The following SH3PXD2A variants were observed in gnomAD, a reference collection of about 807,000 sequenced individuals.
SH3PXD2A encodes the protein SH3 and PX domain-containing protein 2A.
Under a neutral mutation model 115.2 loss-of-function variants are expected in SH3PXD2A, and 32 were observed. The observed-to-expected ratio is 0.28, with a 90% CI of 0.21 to 0.37. SH3PXD2A has a LOEUF of 0.37. Among genes scored for constraint, SH3PXD2A ranks in the 10% least tolerant of loss-of-function variants. The probability of loss-of-function intolerance (pLI) is 1.00; values close to 1 mark genes in which losing one functional copy is unlikely to be tolerated. For missense variants in SH3PXD2A, 1,328 were observed against 1,498.7 expected (o/e 0.89, Z 1.88); for synonymous variants, 610 against 629.1 (o/e 0.97, Z 0.45).
At chr10:103,643,907 C>T (rs1175859009) in intron 8 of SH3PXD2A, among the ~76,000 whole-genome samples, 2 of 150,494 alleles carry the variant, frequency 1.3e-5, no homozygotes, top group African/African-American at 4.9e-5. Context: ...GTCAGGAGAT[C>T]GAGACTATCC....
At chr10:103,807,994 A>G (rs1049466821) in intron 1 of SH3PXD2A, among the ~76,000 whole-genome samples, 2 of 152,130 alleles carry the variant, frequency 1.3e-5, no homozygotes, top group African/African-American at 4.8e-5. Flanking sequence ...AATAGGCTCT[A>G]ACCTTCTGTT....
chr10:103,725,576 C>T (rs2038231001), intron 4 of SH3PXD2A, among the ~76,000 whole-genome samples: 2 of 152,088 alleles, frequency 1.3e-5, no homozygotes, highest in Admixed American at 6.5e-5. Context: ...CCGGTAATCC[C>T]AGCACTTTGG....
intron 13 of SH3PXD2A, among the ~76,000 whole-genome samples, chr10:103,607,147 G>T (rs566952842): frequency 2.8e-5 from 4 of 141,490 alleles, no homozygotes; most frequent in African/African-American, 1.1e-4. Flanking sequence ...CTGCCCTGCC[G>T]CCCCGTCTGG....
At chr10:103,721,630 G>A (rs1474308287) in intron 5 of SH3PXD2A, among the ~76,000 whole-genome samples, 3 of 152,160 alleles carry the variant, frequency 2.0e-5, no homozygotes, top group East Asian at 1.9e-4. Context: ...ACACGATCAC[G>A]GGGGATCCCA....
chr10:103,682,942 C>T (rs1424940605), intron 6 of SH3PXD2A, among the ~76,000 whole-genome samples: 3 of 152,044 alleles, frequency 2.0e-5, no homozygotes, highest in African/African-American at 7.2e-5. Context: ...AAGAACGCCT[C>T]GGAAATTGCT....
At chr10:103,694,821 A>G (rs2037805596) in intron 5 of SH3PXD2A, among the ~76,000 whole-genome samples, 1 of 152,148 alleles carries the variant, frequency 6.6e-6, no homozygotes, top group Non-Finnish European at 1.5e-5. Flanking sequence ...GAAAGGGACT[A>G]CAGAAAGGTG....
chr10:103,761,236 G>A (rs2038696659), intron 3 of SH3PXD2A, among the ~76,000 whole-genome samples: 1 of 152,102 alleles, frequency 6.6e-6, no homozygotes, highest in Admixed American at 6.6e-5. Flanking sequence ...GGTTACATAA[G>A]ATGTTACCAT....
At chr10:103,721,283 A>G (rs1336879233) in intron 5 of SH3PXD2A, among the ~76,000 whole-genome samples, 3 of 152,068 alleles carry the variant, frequency 2.0e-5, no homozygotes, top group Non-Finnish European at 4.4e-5. Context: ...ATTTTAGGGG[A>G]ACAGAAATGC....
At position 103,596,688 on chromosome 10, in the gene SH3PXD2A, C is replaced by CTCTCTCTCTCTCTCT. The variant is rs71709843; in HGVS notation, c.*5127_*5128insAGAGAGAGAGAGAGA. The CTCTCTCTCTCTCTCT allele has an allele frequency of 4.0e-5, 3 of 75,816 alleles. No homozygotes were observed. The highest frequency in any genetic ancestry group is 3.6e-5 in the African/African-American group (1 of 27,894). The allele number at this position is 75,816 out of a possible 1,614,324, so 4.7% of individuals were successfully genotyped here. A position where few individuals can be genotyped will look rare whatever the true frequency, so the allele number is the denominator to read the frequency against. On this transcript the variant is annotated 3_prime_UTR_variant, in exon 15 of 15. Coordinates refer to ENST00000369774, the MANE Select transcript of SH3PXD2A (RefSeq NM_001394015.1). ...ACTCTCTCTCTCTCTCTCTCTCTCA[C>CTCTCTCTCTCTCTCT]AACACATGGCCCTCAAAAAAGTGAG...
chr10:103,729,113 C>T (rs2134177922), intron 4 of SH3PXD2A, among the ~76,000 whole-genome samples: 1 of 152,236 alleles, frequency 6.6e-6, no homozygotes, highest in South Asian at 2.1e-4. Flanking sequence ...CCAGGCTGAT[C>T]TCGAACTCCT....
intron 9 of SH3PXD2A, among the ~76,000 whole-genome samples, chr10:103,625,191 C>T (rs575383423): frequency 1.3e-5 from 2 of 152,340 alleles, no homozygotes; most frequent in East Asian, 3.9e-4. Context: ...GGCATCTGTG[C>T]TCCACACCTC....
chr10:103,617,226 C>T lies in SH3PXD2A; in HGVS notation c.891G>A (p.Arg297=). 6.2e-7 allele frequency: 1 copy of T among 1,614,004 alleles called. No individual in the cohort carries two copies. The highest frequency in any genetic ancestry group is 8.5e-7 in the Non-Finnish European group (1 of 1,179,848). Residue 297 remains arginine, a synonymous_variant, in exon 11 of 15, where the codon CGG becomes CGA. Coordinates refer to ENST00000369774, the MANE Select transcript of SH3PXD2A (RefSeq NM_001394015.1). ...TATACCACCAGCCTTCCAGATTCTT[C>T]CGGATCACCTCCACTGTGACGCCCT... is the stretch of plus-strand genomic sequence containing the variant. ...FEKGVTVEVI[R]KNLEGWWYIR...
At chr10:103,767,445 G>A (rs2038765838) in intron 2 of SH3PXD2A, among the ~76,000 whole-genome samples, 1 of 152,182 alleles carries the variant, frequency 6.6e-6, no homozygotes, top group Non-Finnish European at 1.5e-5. Context: ...AGCAAGGCTG[G>A]GGTAGGGACC....
chr10:103,771,738 A>AACACACACACACACACACACACAC (rs3068820), intron 2 of SH3PXD2A, among the ~76,000 whole-genome samples: 1 of 143,004 alleles, frequency 7.0e-6, no homozygotes, highest in Non-Finnish European at 1.5e-5. Flanking sequence ...CCGTCAAAAC[A>AACACACACACACACACACACACAC]ACACACACAC....
intron 6 of SH3PXD2A, among the ~76,000 whole-genome samples, chr10:103,688,137 T>G (rs1377259035): frequency 1.3e-5 from 2 of 152,206 alleles, no homozygotes; most frequent in Non-Finnish European, 2.9e-5. Context: ...CAAGCCACAC[T>G]TAGTCCTATC....
intron 9 of SH3PXD2A, among the ~76,000 whole-genome samples, chr10:103,623,501 C>G (rs2036641548): frequency 6.6e-6 from 1 of 152,052 alleles, no homozygotes; most frequent in South Asian, 2.1e-4. Context: ...TGCCAGGCTG[C>G]CCGGGTCTGG....
chr10:103,694,274 G>A (rs531403684), intron 5 of SH3PXD2A, among the ~76,000 whole-genome samples: 1 of 112,810 alleles, frequency 8.9e-6, no homozygotes, highest in African/African-American at 4.1e-5. Flanking sequence ...CTGGAAAGGC[G>A]GGGTTGGGGG....
In SH3PXD2A at chr10:103,602,463, T is replaced by TCTGC; in HGVS notation, c.2751_2754dup (p.Asn919AlafsTer84). 6.2e-7 allele frequency: 1 copy of TCTGC among 1,614,160 alleles called. No homozygotes were observed. The highest frequency in any genetic ancestry group is 8.5e-7 in the Non-Finnish European group (1 of 1,180,004). ...TCCAGGCTGTCTGATTTGCCTTCGT[T>TCTGC]CTGCCTGCCCTTGGCGGGCACTGTG... is the stretch of plus-strand genomic sequence containing the variant. On this transcript the variant is annotated frameshift_variant, in exon 15 of 15. Coordinates refer to ENST00000369774, the MANE Select transcript of SH3PXD2A (RefSeq NM_001394015.1). LOFTEE classifies it high-confidence loss of function.
chr10:103,614,520 C>T (rs2036478913), intron 11 of SH3PXD2A, among the ~76,000 whole-genome samples: 1 of 152,082 alleles, frequency 6.6e-6, no homozygotes, highest in South Asian at 2.1e-4. Flanking sequence ...TAAACAAAGG[C>T]AAAAGGCAAA....
Sources: gnomAD v4.1 joint callset for allele counts (sites outside exome capture counted in the v4.1 genomes callset) on GRCh38, gnomAD v4.1.1 for gene constraint, MANE v1.5 for transcripts, NCBI Gene and HGNC (gene_info 2026-07-23, HGNC 2026-07-21) for gene names.